PSG1: variants seen among roughly 807,000 people sequenced by gnomAD.
The protein encoded by PSG1 is pregnancy specific beta-1-glycoprotein 1, also known as pregnancy-specific beta-1-glycoprotein 1.
In PSG1, 60 loss-of-function variants were observed where a neutral mutation model predicts 41.4. That is an observed-to-expected ratio of 1.45 (90% confidence interval 1.18 to 1.80). The LOEUF (loss-of-function observed/expected upper bound fraction) is 1.80, where lower values mean the gene tolerates loss of function less well. Among genes scored for constraint, PSG1 ranks in the 40% most tolerant of loss-of-function variants. The pLI, the probability that PSG1 is intolerant of heterozygous loss-of-function variation, is 0.00. For synonymous variants in PSG1, 256 were observed against 192.9 expected (o/e 1.33, Z -2.71); for missense variants, 806 against 516.9 (o/e 1.56, Z -5.42).
intron 1 of PSG1, among the ~76,000 whole-genome samples, chr19:42,879,003 T>A (rs1482299730): frequency 6.6e-6 from 1 of 151,612 alleles, no homozygotes; most frequent in African/African-American, 2.4e-5. Context: ...TGGTGGCCCC[T>A]GATGATTAAT....
intron 2 of PSG1, among the ~76,000 whole-genome samples, chr19:42,874,458 T>C (rs1296420066): frequency 6.6e-6 from 1 of 151,620 alleles, no homozygotes; most frequent in African/African-American, 2.4e-5. Context: ...ACCATTCTCC[T>C]GCCTTGGCCT....
intron 3 of PSG1, chr19:42,869,251 A>C (rs1971278431): frequency 6.5e-6 from 7 of 1,074,966 alleles, no homozygotes; most frequent in South Asian, 5.3e-5. Flanking sequence ...GACTTTCTGA[A>C]GTGTCAATTG....
At chr19:42,869,156 C>G (rs1352414069) in intron 3 of PSG1, 122 bp from the exon 4 acceptor site, 5 of 1,529,460 alleles carry the variant, frequency 3.3e-6, no homozygotes, top group Admixed American at 2.0e-5. Flanking sequence ...AAGCCAATAG[C>G]TGGTGCTTTT....
chr19:42,878,864 C>G (rs1003745578), intron 1 of PSG1, among the ~76,000 whole-genome samples: 2 of 151,512 alleles, frequency 1.3e-5, no homozygotes, highest in Non-Finnish European at 2.9e-5. Context: ...TCTCAGGGCC[C>G]TCCATGCCCT....
rs181939877 is a variant in PSG1, at chr19:42,876,420, A to G, written c.430+1493T>C. ...GAGGTAGTGGGGGGATGAAACATGGATGTCAGCCTCTGAAGGACAAGGGAC... is the reference window on the plus strand; with the variant it reads ...GAGGTAGTGGGGGGATGAAACATGGGTGTCAGCCTCTGAAGGACAAGGGAC... On this transcript the variant is annotated intron_variant, in intron 2 of 5. Coordinates refer to ENST00000436291, the MANE Select transcript of PSG1 (RefSeq NM_001184825.2). Among the ~76,000 whole-genome samples the G allele has an allele frequency of 2.7e-3, 405 of 151,458 alleles. 11 individuals carry two copies. Among genetic ancestry groups the G allele is most frequent in the South Asian group, 5.9e-3 (28 of 4,742 alleles).
At chr19:42,873,067 T>G (rs1363855335) in intron 2 of PSG1, among the ~76,000 whole-genome samples, 3 of 151,560 alleles carry the variant, frequency 2.0e-5, no homozygotes, top group Non-Finnish European at 2.9e-5. Flanking sequence ...AGTAGAATAG[T>G]AGTTTGCAGG....
At chr19:42,869,245 T>G in intron 3 of PSG1, 1 of 1,137,604 alleles carries the variant, frequency 8.8e-7, no homozygotes, top group South Asian at 1.7e-5. Context: ...AGCACAGACT[T>G]TCTGAAGTGT....
chr19:42,878,832 A>G (rs1971737741), intron 1 of PSG1, among the ~76,000 whole-genome samples: 1 of 151,388 alleles, frequency 6.6e-6, no homozygotes. Flanking sequence ...AACAGGCTGC[A>G]GACTCCTGTA....
chr19:42,869,129 T>C lies in PSG1; in HGVS notation c.710-95A>G, dbSNP rs556362926. The C allele has an allele frequency of 2.3e-5, 36 of 1,557,226 alleles. 1 individual carries two copies. The African/African-American group carries it at 2.3e-4, about 10-fold the overall frequency. On this transcript the variant is annotated intron_variant, in intron 3 of 5. Transcript: ENST00000436291. ...AGAGTTGGCATCTCCCACCTCTCAT[T>C]CCACCCGAGTCCTTGAAAGCCAATA...
chr19:42,867,123 A>T lies in PSG1; in HGVS notation c.*11T>A, dbSNP rs766151007. The T allele has an allele frequency of 1.3e-6, 1 of 772,144 alleles. No homozygotes were observed. 47.8% of individuals were successfully genotyped at this position (772,144 alleles called of 1,614,324 possible). The stretch of plus-strand genomic sequence containing the variant: ...CATGGGAGAAAATGGAATTGGAGGT[A>T]CTAGTAGAATTCAGGGAACTGTCCA... On this transcript the variant is annotated 3_prime_UTR_variant, in exon 6 of 6. Transcript: ENST00000436291.
At chr19:42,871,474 G>A (rs998132064) in intron 3 of PSG1, among the ~76,000 whole-genome samples, 1 of 151,818 alleles carries the variant, frequency 6.6e-6, no homozygotes. Context: ...CAACATTGAA[G>A]TCCCAGCCAA....
In PSG1 at chr19:42,879,578, C is replaced by A. The variant is rs767646181; in HGVS notation, c.4G>T (p.Gly2Ter). The A allele has an allele frequency of 1.2e-5, 20 of 1,610,484 alleles. 1 individual carries two copies. The highest frequency in any genetic ancestry group is 1.5e-5 in the Non-Finnish European group (18 of 1,178,150). The change falls in exon 1 of 6, where the codon GGA becomes TGA. Residue 2 changes from glycine to a stop codon, truncating the protein, a stop_gained. Transcript: ENST00000436291. LOFTEE classifies it high-confidence loss of function. ...GTGCAGGGAGGGGCTGAGAGGGTTCCCATGGTCTCTGCTGCTTGTGTGTTC... is the reference window on the plus strand; with the variant it reads ...GTGCAGGGAGGGGCTGAGAGGGTTCACATGGTCTCTGCTGCTTGTGTGTTC... M[G>*]TLSAPPCTQR...
chr19:42,875,078 C>G (rs1971548414), intron 2 of PSG1, among the ~76,000 whole-genome samples: 1 of 151,654 alleles, frequency 6.6e-6, no homozygotes, highest in Admixed American at 6.6e-5. Context: ...TGTCCAGCCT[C>G]TGACACCCTG....
rs1058671 is a variant in PSG1, at chr19:42,877,942, A to T, written c.401T>A (p.Val134Glu). Residue 134 changes from valine (V) to glutamate (E), a missense_variant, in exon 2 of 6, where the codon GTA becomes GAA. By Grantham distance (121) the Val-to-Glu change is moderately radical (BLOSUM62 -2). Coordinates refer to ENST00000436291, the MANE Select transcript of PSG1 (RefSeq NM_001184825.2). ...TAAGGTGAAGGTGAAACGTCCAGTT[A>T]CTCCTCTAGTCCCATCATCTCCCTT... ...IIKGDDGTRG[V>E]TGRFTFTLHL... 1.4e-5 allele frequency: 22 copies of T among 1,611,672 alleles called. No individual in the cohort carries two copies. The African/African-American group carries it at 2.4e-4, about 18-fold the overall frequency.
intron 2 of PSG1, among the ~76,000 whole-genome samples, chr19:42,872,460 C>A (rs1203234889): frequency 6.6e-6 from 1 of 151,670 alleles, no homozygotes; most frequent in Admixed American, 6.6e-5. Context: ...CTGCAGCTTC[C>A]CTTGCCAAGG....
chr19:42,869,082 C>A, intron 3 of PSG1, 48 bp from the exon 4 acceptor site: 3 of 1,594,934 alleles, frequency 1.9e-6, no homozygotes, highest in Non-Finnish European at 2.6e-6. Flanking sequence ...ACCTTTGATT[C>A]CTCCACAGGT....
At chr19:42,867,746 C>A in intron 5 of PSG1, 1 of 878,388 alleles carries the variant, frequency 1.1e-6, no homozygotes. Context: ...CTGCTATAAG[C>A]TGTAGATAGA....
intron 2 of PSG1, among the ~76,000 whole-genome samples, chr19:42,876,161 G>A (rs563669697): frequency 7.9e-5 from 12 of 151,438 alleles, no homozygotes; most frequent in African/African-American, 2.7e-4. Context: ...GGAGGAAGAA[G>A]CTGTGCAGGA....
rs1434789003 is a variant in PSG1 at position 42,871,897 on chromosome 19, C to T, written c.579G>A (p.Leu193=). 6.2e-7 allele frequency: 1 copy of T among 1,612,470 alleles called. No homozygotes were observed. The highest frequency in any genetic ancestry group is 8.5e-7 in the Non-Finnish European group (1 of 1,179,220). ...NGQSLPMTHS[L]KLSETNRTLF... Reference sequence around the variant, plus strand: ...GGGTCCTGTTGGTTTCGGACAGCTTCAAGCTGTGAGTCATAGGGAGGCTCT... The same window carrying T: ...GGGTCCTGTTGGTTTCGGACAGCTTTAAGCTGTGAGTCATAGGGAGGCTCT... The change falls in exon 3 of 6, where the codon TTG becomes TTA. Residue 193 remains leucine, a synonymous_variant. Coordinates refer to ENST00000436291, the MANE Select transcript of PSG1 (RefSeq NM_001184825.2).
Sources: allele counts gnomAD v4.1 joint callset (sites outside exome capture counted in the v4.1 genomes callset), GRCh38; gene constraint gnomAD v4.1.1; transcripts MANE v1.5; gene names NCBI Gene and HGNC (gene_info 2026-07-23, HGNC 2026-07-21).